The following MYO18B variants were observed in gnomAD, a reference collection of about 807,000 sequenced individuals.
MYO18B encodes unconventional myosin-XVIIIb.
Under a neutral mutation model 273.0 loss-of-function variants are expected in MYO18B, and 204 were observed. The observed-to-expected ratio is 0.75, with a 90% CI of 0.67 to 0.84. MYO18B has a LOEUF of 0.84. Ranked by LOEUF, MYO18B falls within the 40% of genes least tolerant of loss-of-function variation. The pLI is 0.00. For missense variants in MYO18B, 3,212 were observed against 3,287.6 expected, an observed-to-expected ratio of 0.98 and a Z score of 0.56; for synonymous variants, 1,330 against 1,305.7, an observed-to-expected ratio of 1.02 and a Z score of -0.40.
the MYO18B span, among the ~76,000 whole-genome samples, chr22:26,055,397 G>A: frequency 6.6e-6 from 1 of 152,226 alleles, no homozygotes. Flanking sequence ...AAGACCTGGA[G>A]CATTGAAGAG....
rs2145759426 is a variant in MYO18B, at chr22:25,798,042, T to C, written c.2466T>C (p.Ala822=). 2.5e-6 allele frequency: 4 copies of C among 1,612,830 alleles called. No homozygotes were observed. The highest frequency in any genetic ancestry group is 3.4e-6 in the Non-Finnish European group (4 of 1,178,906). The change falls in exon 12 of 44, where the codon GCT becomes GCC. Residue 822 remains alanine (A), a synonymous_variant. Transcript: ENST00000335473. ...GCATCTCAGAGAGCGAGCAGCGGGC[T>C]GTTTGGCGGGTCCTGGCAGCCATCT... ...MLGISESEQR[A]VWRVLAAIYH...
intron 9 of MYO18B, among the ~76,000 whole-genome samples, chr22:25,781,090 C>A (rs1255751726): frequency 6.6e-6 from 1 of 152,134 alleles, no homozygotes; most frequent in African/African-American, 2.4e-5. Context: ...GAAATCCTAC[C>A]CTTAATCACT....
Position 26,004,782 on chromosome 22 carries a change from C to G in MYO18B, c.6397C>G (p.Leu2133Val), listed in dbSNP as rs750774197. 2 of 1,613,974 alleles carry G rather than the reference C, an allele frequency of 1.2e-6. No homozygotes were observed. Among genetic ancestry groups the G allele is most frequent in the Non-Finnish European group, 1.7e-6 (2 of 1,179,848 alleles). Residue 2133 changes from leucine (L) to valine (V), a missense_variant, in exon 42 of 44, where the codon CTG becomes GTG. Transcript: ENST00000335473. Reference protein sequence around the residue: ...GSLQSWLSCTLSLATDTMRTP... With the variant: ...GSLQSWLSCTVSLATDTMRTP... ...CCTGCAGTCCTGGTTGAGCTGTACT[C>G]TGTCCCTGGCCACAGATACTATGAG...
In MYO18B at chr22:25,947,400, T is replaced by C. The variant is rs561761935; in HGVS notation, c.5632-312T>C. On this transcript the variant is annotated intron_variant, in intron 35 of 43. Coordinates refer to ENST00000335473, the MANE Select transcript of MYO18B (RefSeq NM_032608.7). Reference sequence around the variant, plus strand: ...ATATGTACTAGGCACATTTAAAATGTGCACACATAGATTCCCAAGTGGGAT... The same window carrying C: ...ATATGTACTAGGCACATTTAAAATGCGCACACATAGATTCCCAAGTGGGAT... Among the ~76,000 whole-genome samples, 21 of 151,604 alleles carry C rather than the reference T, an allele frequency of 1.4e-4. No homozygotes were observed. In the South Asian group the frequency reaches 4.4e-3, roughly 32 times the overall value.
intron 34 of MYO18B, among the ~76,000 whole-genome samples, chr22:25,932,977 A>AC (rs1374714937): frequency 6.6e-6 from 1 of 151,934 alleles, no homozygotes; most frequent in Non-Finnish European, 1.5e-5. Context: ...TTTGCCAATT[A>AC]CCCCCCAGTG....
At chr22:25,864,616 C>G (rs1386041824) in intron 21 of MYO18B, among the ~76,000 whole-genome samples, 1 of 152,102 alleles carries the variant, frequency 6.6e-6, no homozygotes, top group African/African-American at 2.4e-5. Flanking sequence ...GGTTCAAACC[C>G]CCTACCATCA....
chr22:25,802,665 A>G (rs1298453150), intron 12 of MYO18B, among the ~76,000 whole-genome samples: 3 of 148,512 alleles, frequency 2.0e-5, no homozygotes, highest in African/African-American at 7.5e-5. Flanking sequence ...AGGCAGGAGA[A>G]TGGCGTGAAC....
At chr22:25,829,315 G>C (rs963552397) in intron 15 of MYO18B, among the ~76,000 whole-genome samples, 6 of 147,476 alleles carry the variant, frequency 4.1e-5, no homozygotes, top group Non-Finnish European at 1.5e-5. Context: ...CATCTGCCCA[G>C]GGGGGGAATG....
chr22:25,998,644 G>C (rs973913003), intron 40 of MYO18B, among the ~76,000 whole-genome samples: 15 of 152,200 alleles, frequency 9.9e-5, no homozygotes, highest in African/African-American at 3.6e-4. Context: ...ATTTATTCAT[G>C]AGTGGACCCA....
At chr22:26,007,792 G>A (rs1378844588) in intron 42 of MYO18B, among the ~76,000 whole-genome samples, 1 of 152,122 alleles carries the variant, frequency 6.6e-6, no homozygotes, top group South Asian at 2.1e-4. Context: ...CAGGTGTCTT[G>A]ACTTCTAGCT....
intron 12 of MYO18B, among the ~76,000 whole-genome samples, chr22:25,804,400 C>A (rs1424178767): frequency 6.6e-6 from 1 of 152,198 alleles, no homozygotes; most frequent in Non-Finnish European, 1.5e-5. Context: ...ATCACCGGAC[C>A]TGAGGAAATA....
At chr22:25,904,768 TAAAAC>T (rs2092006759) in intron 31 of MYO18B, among the ~76,000 whole-genome samples, 1 of 152,016 alleles carries the variant, frequency 6.6e-6, no homozygotes, top group Non-Finnish European at 1.5e-5. Flanking sequence ...AAATTGTAAA[TAAAAC>T]AATCCAAACC....
chr22:25,791,036 A>G (rs6004765), intron 11 of MYO18B, among the ~76,000 whole-genome samples: 145,217 of 152,260 alleles, frequency 0.95, 69,461 homozygotes, highest in Non-Finnish European at 0.99. Context: ...ATATTTATTG[A>G]TCTTATTAGA....
downstream of MYO18B, among the ~76,000 whole-genome samples, chr22:26,032,823 T>C (rs996194797): frequency 1.3e-5 from 2 of 152,136 alleles, no homozygotes; most frequent in African/African-American, 2.4e-5. Flanking sequence ...AGGTCCCGTC[T>C]CCAAACACTG....
At chr22:26,052,403 C>A in the MYO18B span, among the ~76,000 whole-genome samples, 1 of 152,198 alleles carries the variant, frequency 6.6e-6, no homozygotes, top group South Asian at 2.1e-4. Context: ...GTGTTTGTGT[C>A]ATTTTATAGG....
chr22:26,009,804 C>G lies in MYO18B; in HGVS notation c.6470+4949C>G, dbSNP rs190852700. 3.9e-3 allele frequency among the ~76,000 whole-genome samples: 589 copies of G among 152,296 alleles called. 5 individuals are homozygous for G. The highest frequency in any genetic ancestry group is 0.013 in the African/African-American group (553 of 41,556). On this transcript the variant is annotated intron_variant, in intron 42 of 43. Coordinates refer to ENST00000335473, the MANE Select transcript of MYO18B (RefSeq NM_032608.7). ...TTACTGCCCTCACTTGGCTGATTCT[C>G]TCTCCACCTGATAGCTGGCAATTCT...
intron 21 of MYO18B, among the ~76,000 whole-genome samples, chr22:25,867,006 A>G (rs2090908326): frequency 6.6e-6 from 1 of 152,164 alleles, no homozygotes; most frequent in Admixed American, 6.5e-5. Flanking sequence ...GGCACGCAGT[A>G]CTGTTCAAGA....
chr22:25,922,300 C>T (rs1025952020), intron 34 of MYO18B, among the ~76,000 whole-genome samples: 13 of 152,000 alleles, frequency 8.6e-5, no homozygotes, highest in Non-Finnish European at 1.8e-4. Flanking sequence ...GAGGTGAGGC[C>T]GGAGCAGAGA....
intron 28 of MYO18B, chr22:25,898,000 G>T (rs552944518): frequency 1.0e-5 from 3 of 293,208 alleles, no homozygotes; most frequent in Non-Finnish European, 1.3e-5. Flanking sequence ...TGGCTCAGGG[G>T]TCATCAAGTT....
Sources: allele counts gnomAD v4.1 joint callset (sites outside exome capture counted in the v4.1 genomes callset), GRCh38; gene constraint gnomAD v4.1.1; transcripts MANE v1.5; gene names NCBI Gene and HGNC (gene_info 2026-07-23, HGNC 2026-07-21).